ST3GAL3: variants seen among roughly 807,000 people sequenced by gnomAD.
ST3GAL3 encodes the protein CMP-N-acetylneuraminate-beta-1,4-galactoside alpha-2,3-sialyltransferase.
ST3GAL3 carries 21 observed loss-of-function variants against 50.1 expected under a neutral mutation model. That is an observed-to-expected ratio of 0.42 (90% CI 0.30 to 0.60). The LOEUF (loss-of-function observed/expected upper bound fraction) is 0.60. ST3GAL3 is among the 20% of genes least tolerant of loss of function. ST3GAL3 has a pLI of 0.19. For synonymous variants in ST3GAL3, 183 were observed against 190.0 expected, an observed-to-expected ratio of 0.96 and a Z score of 0.30; for missense variants, 353 against 489.4, an observed-to-expected ratio of 0.72 and a Z score of 2.63.
chr1:43,793,406 C>A (rs1252189401), intron 3 of ST3GAL3, among the ~76,000 whole-genome samples: 1 of 152,090 alleles, frequency 6.6e-6, no homozygotes, highest in African/African-American at 2.4e-5. Context: ...TTAATTATTT[C>A]AAAATACACA....
chr1:43,929,650 G>A (rs984195360), intron 11 of ST3GAL3, among the ~76,000 whole-genome samples: 1 of 152,196 alleles, frequency 6.6e-6, no homozygotes, highest in Non-Finnish European at 1.5e-5. Context: ...AGGCCCCATA[G>A]CTCCTCTGAT....
Position 43,792,165 on chromosome 1 carries a change from C to A in ST3GAL3, c.166+16C>A. 1 of 1,614,192 alleles carries A rather than the reference C, an allele frequency of 6.2e-7. No individual in the cohort carries two copies. The highest frequency in any genetic ancestry group is 8.5e-7 in the Non-Finnish European group (1 of 1,180,014). On this transcript the variant is annotated intron_variant, in intron 3 of 11. Coordinates refer to ENST00000347631, the MANE Select transcript of ST3GAL3 (RefSeq NM_006279.5). Reference sequence around the variant, plus strand: ...CTAGGCTCAGGTACCAACTCTTCCCCCTCTATCATCTTTTTGGCCTTCAAT... The same window carrying A: ...CTAGGCTCAGGTACCAACTCTTCCCACTCTATCATCTTTTTGGCCTTCAAT...
intron 9 of ST3GAL3, chr1:43,911,871 G>A (rs182698528): frequency 2.6e-5 from 4 of 151,934 alleles, no homozygotes; most frequent in East Asian, 1.9e-4. Context: ...GTATTTTTTC[G>A]TAGAGACGGG....
At chr1:43,907,928 G>C (rs1472696931) in intron 9 of ST3GAL3, among the ~76,000 whole-genome samples, 1 of 152,086 alleles carries the variant, frequency 6.6e-6, no homozygotes, top group African/African-American at 2.4e-5. Flanking sequence ...CTGTTTCTCA[G>C]CCTCTCCATC....
At chr1:43,856,299 C>CA (rs1366228952) in intron 5 of ST3GAL3, among the ~76,000 whole-genome samples, 5 of 152,182 alleles carry the variant, frequency 3.3e-5, no homozygotes, top group African/African-American at 7.2e-5. Context: ...TTTATGGAGT[C>CA]AAATTTGCAA....
At chr1:43,808,957 C>T (rs2060223451) in intron 3 of ST3GAL3, among the ~76,000 whole-genome samples, 1 of 152,140 alleles carries the variant, frequency 6.6e-6, no homozygotes, top group African/African-American at 2.4e-5. Context: ...AGTAATAGTG[C>T]AAAATTAGCC....
At chr1:43,714,429 A>G (rs974744303) in intron 1 of ST3GAL3, among the ~76,000 whole-genome samples, 1 of 142,400 alleles carries the variant, frequency 7.0e-6, no homozygotes, top group African/African-American at 2.6e-5. Context: ...CTCTACTAAA[A>G]TACAAAAAAA....
At chr1:43,743,513 C>T (rs1480718787) in intron 2 of ST3GAL3, 2 of 431,336 alleles carry the variant, frequency 4.6e-6, no homozygotes, top group Non-Finnish European at 9.4e-6. Flanking sequence ...CAGATTGGTT[C>T]TGTGGTGCAG....
intron 5 of ST3GAL3, chr1:43,851,596 A>T: frequency 7.3e-7 from 1 of 1,368,754 alleles, no homozygotes; most frequent in Admixed American, 1.7e-5. Context: ...ATCAGCTCCA[A>T]TCCAGCCCTC....
chr1:43,762,594 A>G (rs539486852), intron 2 of ST3GAL3, among the ~76,000 whole-genome samples: 152 of 152,310 alleles, frequency 1.0e-3, no homozygotes, highest in African/African-American at 3.6e-3. Context: ...AACTGCTTCC[A>G]TTGAGGATAT....
intron 9 of ST3GAL3, among the ~76,000 whole-genome samples, chr1:43,911,588 G>GAC (rs1177913696): frequency 0.015 from 2,260 of 148,820 alleles, 1 homozygote; most frequent in South Asian, 0.035. Flanking sequence ...GATATCTATA[G>GAC]ATATATCTGT....
intron 1 of ST3GAL3, among the ~76,000 whole-genome samples, chr1:43,732,545 T>C (rs1203304160): frequency 6.6e-6 from 1 of 152,210 alleles, no homozygotes; most frequent in African/African-American, 2.4e-5. Context: ...CATTCCTTGT[T>C]GGTTCCTTTA....
chr1:43,887,439 T>C (rs1474569453), intron 5 of ST3GAL3, among the ~76,000 whole-genome samples: 1 of 151,924 alleles, frequency 6.6e-6, no homozygotes, highest in Non-Finnish European at 1.5e-5. Flanking sequence ...GGGTTTGGAG[T>C]GTAGAAGGCA....
intron 3 of ST3GAL3, among the ~76,000 whole-genome samples, chr1:43,792,683 C>T (rs2058226854): frequency 1.3e-5 from 2 of 152,312 alleles, no homozygotes; most frequent in African/African-American, 4.8e-5. Flanking sequence ...TAGGTGGACA[C>T]ACTCCTTCTC....
chr1:43,788,670 A>AT (rs1413346294), intron 2 of ST3GAL3, among the ~76,000 whole-genome samples: 1 of 152,228 alleles, frequency 6.6e-6, no homozygotes, highest in East Asian at 1.9e-4. Context: ...TTACTAGCTT[A>AT]TTTCTTAGTT....
chr1:43,803,298 C>T (rs1289674610), intron 3 of ST3GAL3, among the ~76,000 whole-genome samples: 1 of 151,644 alleles, frequency 6.6e-6, no homozygotes, highest in East Asian at 1.9e-4. Context: ...GTCCCAGTTA[C>T]TCGGGCTGAG....
intron 5 of ST3GAL3, among the ~76,000 whole-genome samples, chr1:43,852,090 T>A (rs1197739721): frequency 6.6e-6 from 1 of 152,158 alleles, no homozygotes; most frequent in East Asian, 1.9e-4. Flanking sequence ...GAGCAGGCAG[T>A]GTAAAGGAAG....
chr1:43,721,260 A>G (rs116352147), intron 1 of ST3GAL3, among the ~76,000 whole-genome samples: 1,943 of 151,734 alleles, frequency 0.013, 52 homozygotes, highest in African/African-American at 0.045. Flanking sequence ...AAGAAAAAAA[A>G]AAGAAGAAAA....
intron 1 of ST3GAL3, among the ~76,000 whole-genome samples, chr1:43,721,105 T>C (rs140142890): frequency 6.6e-6 from 1 of 151,960 alleles, no homozygotes; most frequent in African/African-American, 2.4e-5. Context: ...ATCAGCCAGG[T>C]GTGGTAGTGC....
Sources: allele counts gnomAD v4.1 joint callset (sites outside exome capture counted in the v4.1 genomes callset), GRCh38; gene constraint gnomAD v4.1.1; transcripts MANE v1.5; gene names NCBI Gene and HGNC (gene_info 2026-07-23, HGNC 2026-07-21).